SOX6: variants seen among roughly 807,000 people sequenced by gnomAD.
The protein encoded by SOX6 is transcription factor SOX-6.
A neutral mutation model predicts 97.8 loss-of-function variants in SOX6; 11 were observed. The observed-to-expected ratio is 0.11, with a 90% CI of 0.07 to 0.19. The LOEUF is 0.19. Ranked by LOEUF, SOX6 falls within the 10% of genes least tolerant of loss-of-function variation. The probability of loss-of-function intolerance (pLI) is 1.00; values close to 1 mark genes in which losing one functional copy is unlikely to be tolerated. For synonymous variants in SOX6, 360 were observed against 371.4 expected (o/e 0.97, Z 0.35); for missense variants, 810 against 1,039.5 (o/e 0.78, Z 3.04).
At chr11:16,295,420 T>A (rs556189664) in intron 3 of SOX6, among the ~76,000 whole-genome samples, 2 of 152,142 alleles carry the variant, frequency 1.3e-5, no homozygotes, top group South Asian at 2.1e-4. Flanking sequence ...TTATAGCAGT[T>A]TGATGAAGAA....
chr11:16,074,367 A>G (rs535934027), intron 9 of SOX6, among the ~76,000 whole-genome samples: 2 of 152,156 alleles, frequency 1.3e-5, no homozygotes, highest in Admixed American at 6.5e-5. Flanking sequence ...TCCTAAAAAC[A>G]TACAACTGCC....
intron 9 of SOX6, among the ~76,000 whole-genome samples, chr11:16,067,864 C>T (rs1398645536): frequency 6.6e-6 from 1 of 152,096 alleles, no homozygotes; most frequent in Non-Finnish European, 1.5e-5. Context: ...ATACTACCTT[C>T]CTATTTGTAG....
chr11:16,704,496 C>T (rs1848117214), intron 3 of SOX6, among the ~76,000 whole-genome samples: 1 of 152,140 alleles, frequency 6.6e-6, no homozygotes, highest in East Asian at 1.9e-4. Context: ...TACACCACCA[C>T]AATAATCCTG....
At chr11:16,710,897 C>A (rs1044112096) in intron 3 of SOX6, among the ~76,000 whole-genome samples, 2 of 152,118 alleles carry the variant, frequency 1.3e-5, no homozygotes, top group African/African-American at 4.8e-5. Flanking sequence ...ATCATGATGC[C>A]TACCCACCCA....
At chr11:16,168,516 G>A (rs1209492517) in intron 6 of SOX6, among the ~76,000 whole-genome samples, 1 of 152,104 alleles carries the variant, frequency 6.6e-6, no homozygotes, top group Admixed American at 6.6e-5. Context: ...TTAGACATTA[G>A]TTTAAGTGGT....
At chr11:16,472,774 G>A (rs1860161999) in intron 1 of SOX6, among the ~76,000 whole-genome samples, 1 of 151,948 alleles carries the variant, frequency 6.6e-6, no homozygotes, top group South Asian at 2.1e-4. Context: ...TGCTTAAATA[G>A]AGAATCACTT....
chr11:16,520,819 A>G (rs1291552514), intron 4 of SOX6, among the ~76,000 whole-genome samples: 1 of 152,198 alleles, frequency 6.6e-6, no homozygotes, highest in Non-Finnish European at 1.5e-5. Context: ...GCACACCAGG[A>G]GATTATATCC....
chr11:16,452,584 A>G (rs905116649), intron 1 of SOX6, among the ~76,000 whole-genome samples: 19 of 151,830 alleles, frequency 1.3e-4, no homozygotes, highest in Non-Finnish European at 2.5e-4. Flanking sequence ...GTTCTAAAAC[A>G]AAAAAATCTG....
intron 3 of SOX6, among the ~76,000 whole-genome samples, chr11:16,280,053 A>T (rs1854508630): frequency 6.6e-6 from 1 of 152,168 alleles, no homozygotes; most frequent in African/African-American, 2.4e-5. Context: ...AAATGTATCA[A>T]GAAATGACTT....
At chr11:16,405,038 A>G (rs572248575) in intron 1 of SOX6, among the ~76,000 whole-genome samples, 2 of 152,012 alleles carry the variant, frequency 1.3e-5, no homozygotes, top group Non-Finnish European at 2.9e-5. Context: ...ATTTACTTAG[A>G]TTAATCGGAG....
intron 4 of SOX6, among the ~76,000 whole-genome samples, chr11:16,485,921 G>GGGAGGGGAGAGGAGGGGAGA (rs1860420584): frequency 2.2e-5 from 1 of 45,416 alleles, no homozygotes; most frequent in Admixed American, 2.8e-4. Context: ...AAAAGGGAAG[G>GGGAGGGGAGAGGAGGGGAGA]GGAGGGGAGG....
At chr11:16,213,919 G>A (rs10430835) in intron 4 of SOX6, among the ~76,000 whole-genome samples, 72,599 of 151,934 alleles carry the variant, frequency 0.48, 17,516 homozygotes, top group South Asian at 0.61. Context: ...GAAACGTCTT[G>A]TTATATATAC....
chr11:16,031,548 G>C (rs560023391), intron 12 of SOX6: 1 of 152,186 alleles, frequency 6.6e-6, no homozygotes, highest in East Asian at 1.9e-4. Flanking sequence ...ACAGGAGTAG[G>C]GTAGGTAGGT....
At chr11:16,669,173 A>T (rs947828455) in intron 3 of SOX6, among the ~76,000 whole-genome samples, 19 of 152,252 alleles carry the variant, frequency 1.2e-4, no homozygotes, top group African/African-American at 4.6e-4. Flanking sequence ...ATTGAAAAAA[A>T]ATTGAAGTTA....
intron 1 of SOX6, among the ~76,000 whole-genome samples, chr11:16,421,011 C>T (rs367632059): frequency 1.5e-4 from 23 of 152,114 alleles, no homozygotes; most frequent in East Asian, 5.8e-4. Context: ...ATTCAGATAA[C>T]GAAGAGAATA....
intron 2 of SOX6, among the ~76,000 whole-genome samples, chr11:16,727,388 T>A (rs1280871717): frequency 6.6e-6 from 1 of 150,484 alleles, no homozygotes; most frequent in African/African-American, 2.4e-5. Context: ...ACTGTATGGA[T>A]GTAACATAAT....
intron 4 of SOX6, among the ~76,000 whole-genome samples, chr11:16,529,542 C>G (rs1430272540): frequency 6.6e-6 from 1 of 152,118 alleles, no homozygotes; most frequent in Non-Finnish European, 1.5e-5. Context: ...CTATTCTCCT[C>G]TTCAACCTTG....
At position 16,607,990 on chromosome 11, in the gene SOX6, G is replaced by C. The variant is rs902566925; in HGVS notation, n.609+4091C>G. Among the ~76,000 whole-genome samples, 2 of 152,066 alleles carry C rather than the reference G, an allele frequency of 1.3e-5. No homozygotes were observed. Among genetic ancestry groups the C allele is most frequent in the African/African-American group, 4.8e-5 (2 of 41,396 alleles). On this transcript the variant is annotated intron_variant and non_coding_transcript_variant, in intron 4 of 5. Coordinates refer to the SOX6 transcript ENST00000524520. The surrounding 1 kb of genome is among the most constrained non-coding windows in gnomAD (Gnocchi z 6.5). ...CGGCGAGACCAGAGGTTGGAACTGGGGAAAGCGCCTGGAAAGAGACGGTGA... is the reference window on the plus strand; with the variant it reads ...CGGCGAGACCAGAGGTTGGAACTGGCGAAAGCGCCTGGAAAGAGACGGTGA...
At chr11:16,477,322 C>A (rs759967832), upstream of SOX6, among the ~76,000 whole-genome samples, 7 of 152,242 alleles carry the variant, frequency 4.6e-5, no homozygotes, top group Non-Finnish European at 7.4e-5. Flanking sequence ...TTAGTTACAG[C>A]TAACTAGATT....
Sources: allele counts gnomAD v4.1 joint callset (sites outside exome capture counted in the v4.1 genomes callset), GRCh38; gene constraint gnomAD v4.1.1; non-coding constraint Gnocchi (gnomAD v3.1); transcripts MANE v1.5; gene names NCBI Gene and HGNC (gene_info 2026-07-23, HGNC 2026-07-21).